KIF2A: variants seen among roughly 807,000 people sequenced by gnomAD.
KIF2A encodes kinesin family member 2A.
KIF2A carries 22 observed loss-of-function variants against 100.2 expected under a neutral mutation model. The ratio of observed to expected loss-of-function variants is 0.22; its 90% CI spans 0.16 to 0.31. KIF2A has a LOEUF of 0.31. Ranked by LOEUF, KIF2A falls within the 10% of genes least tolerant of loss-of-function variation. KIF2A has a pLI of 1.00. For missense variants in KIF2A, 495 were observed against 898.7 expected (o/e 0.55, Z 5.74); for synonymous variants, 268 against 285.9 (o/e 0.94, Z 0.63).
intron 1 of KIF2A, among the ~76,000 whole-genome samples, chr5:62,322,084 T>C (rs1312618630): frequency 6.6e-6 from 1 of 151,808 alleles, no homozygotes; most frequent in Admixed American, 6.6e-5. Flanking sequence ...CTTGCCTGGC[T>C]AATTTTTTTT....
At chr5:62,317,031 A>G (rs994479684) in intron 1 of KIF2A, among the ~76,000 whole-genome samples, 2 of 151,304 alleles carry the variant, frequency 1.3e-5, no homozygotes, top group African/African-American at 4.9e-5. Flanking sequence ...AAGGATTCAC[A>G]TATGTATGGC....
chr5:62,325,142 T>C (rs897018360), intron 1 of KIF2A, among the ~76,000 whole-genome samples: 1 of 152,148 alleles, frequency 6.6e-6, no homozygotes, highest in African/African-American at 2.4e-5. Context: ...TTTCTTTTTT[T>C]GAGACAGAGT....
In KIF2A at chr5:62,381,325, C is replaced by T. The variant is rs189524146; in HGVS notation, c.2149+72C>T. 49 of 1,262,556 alleles carry T rather than the reference C, an allele frequency of 3.9e-5. No individual in the cohort carries two copies. In the Middle Eastern group the frequency reaches 7.2e-4, roughly 18 times the overall value. 78.2% of individuals were successfully genotyped at this position (1,262,556 alleles called of 1,614,324 possible). On this transcript the variant is annotated intron_variant, in intron 20 of 20. Coordinates refer to ENST00000407818, the MANE Select transcript of KIF2A (RefSeq NM_001098511.3). ...ATGTATATTGGTGAGAGGGCTTCTT[C>T]GTATTGCAAGAGGACATACGAAGTG...
rs754112220 is a variant in KIF2A, at chr5:62,373,779, A to C, written c.1853A>C (p.Gln618Pro). The C allele has an allele frequency of 4.3e-6, 7 of 1,613,204 alleles. No individual in the cohort carries two copies. The Admixed American group carries it at 1.2e-4, about 27-fold the overall frequency. Residue 618 changes from glutamine to proline, a missense_variant, in exon 18 of 21, where the codon CAG (glutamine) becomes CCG (proline). This residue lies in a region of KIF2A where 100 missense variants were observed against 138.2 expected (regional missense o/e 0.72). Coordinates refer to ENST00000407818, the MANE Select transcript of KIF2A (RefSeq NM_001098511.3). ...AACCAGATTGATGACTTAGAGACAC[A>C]GTGGGGTGTGGGGAGTTCCCCTCAG... ...PPNQIDDLETQWGVGSSPQRD... is the reference protein window; with the variant it reads ...PPNQIDDLETPWGVGSSPQRD...
At chr5:62,372,327 A>G (rs1561279141) in intron 16 of KIF2A, 111 bp from the exon 17 acceptor site, 1 of 665,458 alleles carries the variant, frequency 1.5e-6, no homozygotes, top group Middle Eastern at 2.8e-4. Flanking sequence ...TGTCACAACA[A>G]TATCAATATC....
intron 1 of KIF2A, among the ~76,000 whole-genome samples, chr5:62,323,376 A>G (rs1053983733): frequency 2.0e-5 from 3 of 152,106 alleles, no homozygotes; most frequent in Non-Finnish European, 4.4e-5. Flanking sequence ...ACAAAAAATT[A>G]GCCGGGCGCG....
chr5:62,379,214 G>C (rs1404073244), intron 19 of KIF2A, among the ~76,000 whole-genome samples: 5 of 152,120 alleles, frequency 3.3e-5, no homozygotes, highest in African/African-American at 1.2e-4. Flanking sequence ...AAATCTTACA[G>C]CTGTTTATTG....
At chr5:62,313,298 T>C (rs906466810) in intron 1 of KIF2A, among the ~76,000 whole-genome samples, 2 of 152,298 alleles carry the variant, frequency 1.3e-5, no homozygotes, top group African/African-American at 4.8e-5. Context: ...ATATGCCATC[T>C]CTCCTCCTCT....
In KIF2A at chr5:62,362,556, T is replaced by A. The variant is rs756199280; in HGVS notation, c.1119+15T>A. 8.6e-6 allele frequency: 10 copies of A among 1,159,254 alleles called. No individual in the cohort carries two copies. Among genetic ancestry groups the A allele is most frequent in the Non-Finnish European group, 1.2e-5 (10 of 862,502 alleles). 71.8% of individuals were successfully genotyped at this position (1,159,254 alleles called of 1,614,324 possible). On this transcript the variant is annotated intron_variant, in intron 12 of 20. Transcript: ENST00000407818. ...ATAGTGGAAAGGTAAGTGGGAACTTTTTTAATTTTAATTTTTTAAAATATA... is the reference window on the plus strand; with the variant it reads ...ATAGTGGAAAGGTAAGTGGGAACTTATTTAATTTTAATTTTTTAAAATATA...
chr5:62,363,107 C>T (rs996663201), intron 12 of KIF2A, 71 bp from the exon 13 acceptor site: 36 of 1,295,208 alleles, frequency 2.8e-5, no homozygotes, highest in African/African-American at 2.7e-4. Flanking sequence ...GGATTACAGG[C>T]GTGAGCCATT....
At chr5:62,344,866 G>A (rs1747477190) in intron 1 of KIF2A, among the ~76,000 whole-genome samples, 1 of 152,186 alleles carries the variant, frequency 6.6e-6, no homozygotes. Flanking sequence ...TATCATTTGA[G>A]AGTACTTAAC....
intron 17 of KIF2A, 22 bp from the exon 18 acceptor site, chr5:62,373,665 G>C: frequency 6.3e-7 from 1 of 1,598,358 alleles, no homozygotes; most frequent in East Asian, 2.2e-5. Context: ...TTTAACTTTA[G>C]ATACCTCTTA....
At chr5:62,368,415 C>T (rs1055282593) in intron 16 of KIF2A, among the ~76,000 whole-genome samples, 6 of 151,962 alleles carry the variant, frequency 3.9e-5, no homozygotes, top group African/African-American at 1.5e-4. Flanking sequence ...TGGTAGTAAA[C>T]ACTGTTGGAC....
chr5:62,328,948 G>A (rs1004681617), intron 1 of KIF2A, among the ~76,000 whole-genome samples: 6 of 152,042 alleles, frequency 3.9e-5, no homozygotes, highest in African/African-American at 1.2e-4. Context: ...CAACAGATCC[G>A]AAGTTTCCCC....
At chr5:62,349,514 T>A (rs138241787) in intron 3 of KIF2A, among the ~76,000 whole-genome samples, 3,831 of 152,186 alleles carry the variant, frequency 0.025, 142 homozygotes, top group African/African-American at 0.085. Flanking sequence ...TAAAAGGAAG[T>A]CTTCATGAAT....
chr5:62,346,088 C>T (rs775917669), intron 1 of KIF2A, among the ~76,000 whole-genome samples: 1 of 151,792 alleles, frequency 6.6e-6, no homozygotes, highest in Non-Finnish European at 1.5e-5. Context: ...AAGTGACCAT[C>T]AATAGGTATT....
At chr5:62,369,920 A>G (rs972748245) in intron 16 of KIF2A, among the ~76,000 whole-genome samples, 17 of 152,230 alleles carry the variant, frequency 1.1e-4, no homozygotes, top group African/African-American at 4.1e-4. Flanking sequence ...AATGGTATCA[A>G]AGCCTCGGGA....
intron 11 of KIF2A, among the ~76,000 whole-genome samples, chr5:62,361,853 C>G (rs1420075964): frequency 1.3e-5 from 2 of 150,960 alleles, no homozygotes; most frequent in African/African-American, 4.9e-5. Flanking sequence ...GAAACTCCAT[C>G]TCTACTAAAA....
chr5:62,308,531 ATTATGTGTGTGTGTATACGT>A (rs1242511824), intron 1 of KIF2A: 1 of 703,926 alleles, frequency 1.4e-6, no homozygotes, highest in Non-Finnish European at 2.6e-6. Flanking sequence ...GGCTAAAGAA[ATTATGTGTGTGTGTATACGT>A]TTATGTGTGT....
Sources: gnomAD v4.1 joint callset for allele counts (sites outside exome capture counted in the v4.1 genomes callset) on GRCh38, gnomAD v4.1.1 for gene constraint, gnomAD v4.1.1 regional missense constraint, MANE v1.5 for transcripts, NCBI Gene and HGNC (gene_info 2026-07-23, HGNC 2026-07-21) for gene names.